ZNF654: variants seen among roughly 807,000 people sequenced by gnomAD.
ZNF654 encodes zinc finger protein 654, also known as melanoma-associated antigen.
ZNF654 carries 19 observed loss-of-function variants against 95.3 expected under a neutral mutation model. That is an observed-to-expected ratio of 0.20 (90% CI 0.14 to 0.29). The LOEUF (loss-of-function observed/expected upper bound fraction) is 0.29, where lower values mean the gene tolerates loss of function less well. ZNF654 is among the 10% of genes least tolerant of loss of function. The probability of loss-of-function intolerance (pLI) is 1.00; values close to 1 mark genes in which losing one functional copy is unlikely to be tolerated. For synonymous variants in ZNF654, 413 were observed against 457.9 expected, an observed-to-expected ratio of 0.90 and a Z score of 1.25; for missense variants, 1,046 against 1,341.0, an observed-to-expected ratio of 0.78 and a Z score of 3.44.
At chr3:88,129,321 TAAA>T (rs11370327) in intron 5 of ZNF654, among the ~76,000 whole-genome samples, 16 of 76,932 alleles carry the variant, frequency 2.1e-4, no homozygotes, top group African/African-American at 3.7e-4. Context: ...TTGCCAGGAG[TAAA>T]AAAAAAAAAA....
rs569760340 is a variant in ZNF654, at chr3:88,087,285, C to G, written c.332+883C>G. On this transcript the variant is annotated intron_variant, in intron 2 of 8. Coordinates refer to ENST00000636215, the MANE Select transcript of ZNF654 (RefSeq NM_001350134.2). ...TAGAGACAGGGTTTCACCGTGTTGG[C>G]CAGGCTGGTCTTGAACTCCTGACAG... 8.7e-4 allele frequency among the ~76,000 whole-genome samples: 133 copies of G among 152,148 alleles called. 2 individuals are homozygous for G. The Middle Eastern group carries it at 0.01, about 12-fold the overall frequency.
chr3:88,139,852 A>G lies in ZNF654; in HGVS notation c.2183A>G (p.Asn728Ser), dbSNP rs375388602. ...NQETSVIHKI[N>S]GTVCHPKDIY... is the part of the protein sequence containing the mutation. ...GAAACTTCAGTAATTCATAAAATCAATGGAACTGTGTGCCATCCAAAAGAC... is the reference window on the plus strand; with the variant it reads ...GAAACTTCAGTAATTCATAAAATCAGTGGAACTGTGTGCCATCCAAAAGAC... Residue 728 changes from asparagine (N) to serine (S), a missense_variant, in exon 8 of 9, where the codon AAT becomes AGT. Physicochemically the swap from Asn to Ser is conservative, Grantham distance 46 (BLOSUM62 1). Coordinates refer to ENST00000636215, the MANE Select transcript of ZNF654 (RefSeq NM_001350134.2). The G allele has an allele frequency of 5.7e-5, 91 of 1,593,726 alleles. No individual in the cohort carries two copies. The Admixed American group carries it at 6.2e-4, about 11-fold the overall frequency.
rs140401038 is a variant in ZNF654, at chr3:88,116,559, T to TACACACAC, written c.414+3364_414+3365insCACACACA. The stretch of plus-strand genomic sequence containing the variant: ...AAAAATACATACATACATACATATA[T>TACACACAC]ATACACACACACACACACATGCACA... On this transcript the variant is annotated intron_variant, in intron 3 of 8. Coordinates refer to ENST00000636215, the MANE Select transcript of ZNF654 (RefSeq NM_001350134.2). Among the ~76,000 whole-genome samples, 565 of 146,258 alleles carry TACACACAC rather than the reference T, an allele frequency of 3.9e-3. 2 individuals are homozygous for TACACACAC. The highest frequency in any genetic ancestry group is 0.012 in the East Asian group (58 of 4,982).
intron 2 of ZNF654, among the ~76,000 whole-genome samples, chr3:88,090,709 C>T (rs1237255831): frequency 1.3e-5 from 2 of 152,130 alleles, no homozygotes; most frequent in Non-Finnish European, 2.9e-5. Context: ...CTTGCAAGCT[C>T]CATTCATGGT....
At chr3:88,127,694 C>T (rs1706203162) in intron 4 of ZNF654, among the ~76,000 whole-genome samples, 1 of 152,082 alleles carries the variant, frequency 6.6e-6, no homozygotes, top group African/African-American at 2.4e-5. Context: ...CTAGAATAAA[C>T]CTGTTGTTCG....
At chr3:88,114,090 A>G (rs1161485153) in intron 3 of ZNF654, among the ~76,000 whole-genome samples, 1 of 152,184 alleles carries the variant, frequency 6.6e-6, no homozygotes, top group Non-Finnish European at 1.5e-5. Flanking sequence ...ACTAAGGTCT[A>G]AGAAAAACAG....
intron 5 of ZNF654, 99 bp from the exon 6 acceptor site, chr3:88,129,588 G>T: frequency 1.2e-5 from 12 of 1,002,078 alleles, no homozygotes; most frequent in Non-Finnish European, 1.7e-5. Flanking sequence ...AAGAAAACTA[G>T]AAATCTAAGC....
At chr3:88,078,942 C>T (rs528885361) in intron 1 of ZNF654, among the ~76,000 whole-genome samples, 1 of 152,008 alleles carries the variant, frequency 6.6e-6, no homozygotes, top group South Asian at 2.1e-4. Context: ...TGATAAAAAA[C>T]TAACTTTTCA....
At chr3:88,059,656 C>G (rs1164192764) in intron 1 of ZNF654, among the ~76,000 whole-genome samples, 151 bp downstream of exon 1, 1 of 151,178 alleles carries the variant, frequency 6.6e-6, no homozygotes, top group Non-Finnish European at 1.5e-5. Flanking sequence ...TCCACTTATC[C>G]GGCTTGGGGT....
chr3:88,099,169 C>A (rs1190535614), intron 2 of ZNF654, among the ~76,000 whole-genome samples: 2 of 152,168 alleles, frequency 1.3e-5, no homozygotes, highest in Non-Finnish European at 2.9e-5. Flanking sequence ...GCAAAAATCA[C>A]AAGCATTCCT....
intron 2 of ZNF654, among the ~76,000 whole-genome samples, chr3:88,089,613 A>G (rs1708530679): frequency 6.6e-6 from 1 of 152,206 alleles, no homozygotes; most frequent in Non-Finnish European, 1.5e-5. Flanking sequence ...AATGTCATCT[A>G]GAAACTGTTT....
chr3:88,141,618 C>A (rs7432826), intron 8 of ZNF654, 27 bp from the exon 9 acceptor site: 1,304,641 of 1,445,116 alleles, frequency 0.9, 590,316 homozygotes, highest in African/African-American at 0.98. Flanking sequence ...ATAAAACTTG[C>A]ATTAACAGAT....
chr3:88,087,154 C>T (rs1708378298), intron 2 of ZNF654, among the ~76,000 whole-genome samples: 1 of 152,042 alleles, frequency 6.6e-6, no homozygotes, highest in Non-Finnish European at 1.5e-5. Context: ...TCTTGGTTCA[C>T]CGCAACCTCT....
rs898787344 is a variant in ZNF654 at position 88,144,114 on chromosome 3, G to A, written c.*2462G>A. ...AATGTTAAATTTCTGCTGTGTGTCA[G>A]TAAGGTGAAGAAAATAGCAAATCTG... On this transcript the variant is annotated 3_prime_UTR_variant, in exon 9 of 9. Coordinates refer to ENST00000636215, the MANE Select transcript of ZNF654 (RefSeq NM_001350134.2). 1.3e-5 allele frequency: 2 copies of A among 152,318 alleles called. No individual in the cohort carries two copies. The highest frequency in any genetic ancestry group is 4.8e-5 in the African/African-American group (2 of 41,428). 9.4% of individuals were successfully genotyped at this position (152,318 alleles called of 1,614,324 possible).
intron 3 of ZNF654, among the ~76,000 whole-genome samples, chr3:88,117,702 C>T (rs529479257): frequency 1.3e-5 from 2 of 152,100 alleles, no homozygotes; most frequent in South Asian, 4.1e-4. Context: ...TTGTAAAAAG[C>T]ACACACAATA....
At chr3:88,077,810 G>A (rs184653318) in intron 1 of ZNF654, among the ~76,000 whole-genome samples, 2 of 152,104 alleles carry the variant, frequency 1.3e-5, no homozygotes, top group Non-Finnish European at 2.9e-5. Context: ...GTTATTTACT[G>A]TGTGTTTAAT....
At position 88,141,653 on chromosome 3, in the gene ZNF654, T is replaced by C; in HGVS notation, c.*1T>C. The C allele has an allele frequency of 6.6e-7, 1 of 1,510,922 alleles. No homozygotes were observed. The highest frequency in any genetic ancestry group is 9.0e-7 in the Non-Finnish European group (1 of 1,116,414). 93.6% of individuals were successfully genotyped at this position (1,510,922 alleles called of 1,614,324 possible). A position where few individuals can be genotyped will look rare whatever the true frequency, so the allele number is the denominator to read the frequency against. ...TGTGTTCTGTTTTACAGGTGCCTGATGAAAACGGTTCAGAAAGATCTGTCA... is the reference window on the plus strand; with the variant it reads ...TGTGTTCTGTTTTACAGGTGCCTGACGAAAACGGTTCAGAAAGATCTGTCA... On this transcript the variant is annotated 3_prime_UTR_variant, in exon 9 of 9. Coordinates refer to ENST00000636215, the MANE Select transcript of ZNF654 (RefSeq NM_001350134.2).
Position 88,139,674 on chromosome 3 carries a change from C to T in ZNF654, c.2005C>T (p.Pro669Ser), listed in dbSNP as rs966806392. The T allele has an allele frequency of 6.2e-7, 1 of 1,605,362 alleles. No homozygotes were observed. Among genetic ancestry groups the T allele is most frequent in the Non-Finnish European group, 8.5e-7 (1 of 1,175,240 alleles). ...AEFIEIPISV[P>S]EDVIENVIEN... ...ATTCATTGAAATTCCCATAAGTGTA[C>T]CAGAAGATGTTATTGAAAATGTTAT... Residue 669 changes from proline to serine, a missense_variant, in exon 8 of 9, where the codon CCA becomes TCA. Physicochemically the swap from Pro to Ser is moderately conservative, Grantham distance 74 (BLOSUM62 -1). Transcript: ENST00000636215.
chr3:88,099,731 C>T (rs1331669859), intron 2 of ZNF654, among the ~76,000 whole-genome samples: 1 of 152,108 alleles, frequency 6.6e-6, no homozygotes, highest in Non-Finnish European at 1.5e-5. Flanking sequence ...AGAAAGGATT[C>T]CCTATTTAAT....
Sources: allele counts gnomAD v4.1 joint callset (sites outside exome capture counted in the v4.1 genomes callset), GRCh38; gene constraint gnomAD v4.1.1; transcripts MANE v1.5; gene names NCBI Gene and HGNC (gene_info 2026-07-23, HGNC 2026-07-21).